NTRK2: variants seen among roughly 807,000 people sequenced by gnomAD.
The protein encoded by NTRK2 is BDNF/NT-3 growth factors receptor.
In NTRK2, 13 loss-of-function variants were observed where a neutral mutation model predicts 94.5. The observed-to-expected ratio is 0.14, with a 90% CI of 0.09 to 0.22. The LOEUF (loss-of-function observed/expected upper bound fraction) is 0.22. Among genes scored for constraint, NTRK2 ranks in the 10% least tolerant of loss-of-function variants. The pLI is 1.00. For missense variants in NTRK2, 639 were observed against 1,071.2 expected, an observed-to-expected ratio of 0.60 and a Z score of 5.63; for synonymous variants, 372 against 407.4, an observed-to-expected ratio of 0.91 and a Z score of 1.05.
chr9:84,717,549 C>T (rs1222247683), intron 6 of NTRK2, among the ~76,000 whole-genome samples: 1 of 152,206 alleles, frequency 6.6e-6, no homozygotes. Context: ...GGGCCAGGGC[C>T]AACCCCACTG....
intron 12 of NTRK2, among the ~76,000 whole-genome samples, chr9:84,788,732 C>G (rs77457416): frequency 6.6e-6 from 1 of 152,046 alleles, no homozygotes; most frequent in East Asian, 1.9e-4. Context: ...TGGGGGAATT[C>G]GAGAGGTGGC....
intron 15 of NTRK2, among the ~76,000 whole-genome samples, 162 bp downstream of exon 15, chr9:84,934,454 A>T (rs2078145448): frequency 6.6e-6 from 1 of 152,194 alleles, no homozygotes; most frequent in South Asian, 2.1e-4. Flanking sequence ...TGGAAAGGAC[A>T]TTTGGGGCAC....
At chr9:84,706,521 G>GTTTTTTTCTT (rs1173199220) in intron 4 of NTRK2, among the ~76,000 whole-genome samples, 1 of 95,336 alleles carries the variant, frequency 1.0e-5, no homozygotes, top group Non-Finnish European at 2.0e-5. Context: ...GTTATTTTTT[G>GTTTTTTTCTT]TTTTTGTTTT....
chr9:84,722,160 CT>C (rs36100177), intron 6 of NTRK2, among the ~76,000 whole-genome samples: 4,122 of 67,004 alleles, frequency 0.062, 13 homozygotes, highest in Non-Finnish European at 0.075. Context: ...CTATTAGGGG[CT>C]TTTTTTTTTT....
At position 84,753,144 on chromosome 9, in the gene NTRK2, A is replaced by G. The variant is rs192906238; in HGVS notation, c.1396+1059A>G. On this transcript the variant is annotated intron_variant, in intron 12 of 18. Coordinates refer to ENST00000277120, the MANE Select transcript of NTRK2 (RefSeq NM_006180.6). The stretch of plus-strand genomic sequence containing the variant: ...TCTAAGCCAGAAATGAACAGGGAGG[A>G]GTGGTGGTAAATTGGGGCTTAAAAT... 7.2e-4 allele frequency among the ~76,000 whole-genome samples: 110 copies of G among 151,954 alleles called. 1 individual carries two copies. The highest frequency in any genetic ancestry group is 1.5e-4 in the Non-Finnish European group (10 of 67,954).
At chr9:84,755,892 TC>T (rs1338636266) in intron 12 of NTRK2, among the ~76,000 whole-genome samples, 3 of 152,152 alleles carry the variant, frequency 2.0e-5, no homozygotes, top group Non-Finnish European at 4.4e-5. Flanking sequence ...CGGCCCTGTT[TC>T]CATAAAGATG....
At chr9:84,812,565 CTA>C (rs1438887130) in intron 12 of NTRK2, 3 of 1,046,114 alleles carry the variant, frequency 2.9e-6, no homozygotes, top group Non-Finnish European at 3.5e-6. Flanking sequence ...AAGAGGCCAG[CTA>C]ATAGCAGAAA....
intron 12 of NTRK2, among the ~76,000 whole-genome samples, chr9:84,848,907 G>A (rs1587662357): frequency 6.6e-6 from 1 of 152,294 alleles, no homozygotes; most frequent in African/African-American, 2.4e-5. Flanking sequence ...GAGATGGCTT[G>A]TCAATATGAG....
intron 17 of NTRK2, among the ~76,000 whole-genome samples, chr9:84,997,484 C>T (rs77337893): frequency 0.029 from 4,378 of 152,250 alleles, 150 homozygotes; most frequent in African/African-American, 0.075. Flanking sequence ...AGGTTACTGA[C>T]ACAGTAACAG....
At chr9:84,993,197 T>C (rs1361576226) in intron 17 of NTRK2, among the ~76,000 whole-genome samples, 1 of 152,120 alleles carries the variant, frequency 6.6e-6, no homozygotes, top group Non-Finnish European at 1.5e-5. Flanking sequence ...CCAGTCTCAC[T>C]CCTCTTCCCA....
chr9:84,808,053 G>A (rs143414942), intron 12 of NTRK2, among the ~76,000 whole-genome samples: 67 of 152,230 alleles, frequency 4.4e-4, no homozygotes, highest in African/African-American at 1.2e-3. Context: ...TTGCATGGGC[G>A]TGTGGAGCTG....
chr9:84,993,657 AG>A (rs1372431788), intron 17 of NTRK2, among the ~76,000 whole-genome samples: 1 of 152,180 alleles, frequency 6.6e-6, no homozygotes, highest in African/African-American at 2.4e-5. Flanking sequence ...TAGGGAAAAA[AG>A]TGAAATCCTT....
At chr9:84,958,035 A>T (rs1461692685) in intron 17 of NTRK2, among the ~76,000 whole-genome samples, 2 of 152,214 alleles carry the variant, frequency 1.3e-5, no homozygotes, top group Non-Finnish European at 2.9e-5. Flanking sequence ...AAATGTCCAG[A>T]ATAGGCAAAT....
chr9:84,764,464 TCTTGATGACTCTTC>T (rs2065856740), intron 12 of NTRK2, among the ~76,000 whole-genome samples: 1 of 152,248 alleles, frequency 6.6e-6, no homozygotes, highest in South Asian at 2.1e-4. Context: ...TATAGTTCTG[TCTTGATGACTCTTC>T]CTTGAGGCAA....
Position 84,745,073 on chromosome 9 carries a change from G to A in NTRK2, c.1296G>A (p.Ser432=), listed in dbSNP as rs778382743. 8.7e-6 allele frequency: 14 copies of A among 1,609,778 alleles called. 1 individual carries two copies. In the South Asian group the frequency reaches 1.3e-4, roughly 15 times the overall value. Reference sequence around the variant, plus strand: ...ATAAAACCGGTCGGGAACATCTCTCGGTGAGTGGAATAAATAGGTGTCTGA... The same window carrying A: ...ATAAAACCGGTCGGGAACATCTCTCAGTGAGTGGAATAAATAGGTGTCTGA... ...VTDKTGREHL[S]VYAVVVIASV... Residue 432 remains serine, a splice_region_variant and synonymous_variant, in exon 11 of 19, where the codon TCG becomes TCA. Coordinates refer to ENST00000277120, the MANE Select transcript of NTRK2 (RefSeq NM_006180.6).
upstream of NTRK2, chr9:84,669,451 CACAG>C (rs2058558198): frequency 6.6e-6 from 1 of 151,848 alleles, no homozygotes; most frequent in South Asian, 2.1e-4. This position sits in a 1 kb window ranked among gnomAD's most constrained non-coding sequence, Gnocchi z 4.1. Flanking sequence ...CACACACACA[CACAG>C]ACACACACAC....
rs758543269 is a variant in NTRK2 at position 84,867,319 on chromosome 9, A to G, written c.1521A>G (p.Pro507=). The G allele has an allele frequency of 3.1e-6, 5 of 1,613,986 alleles. No individual in the cohort carries two copies. Among genetic ancestry groups the G allele is most frequent in the African/African-American group, 1.3e-5 (1 of 74,926 alleles). Reference sequence around the variant, plus strand: ...ACATCTCCAATGGGAGTAACACTCCATCTTCTTCGGAAGGTGGCCCAGATG... The same window carrying G: ...ACATCTCCAATGGGAGTAACACTCCGTCTTCTTCGGAAGGTGGCCCAGATG... ...LHHISNGSNT[P]SSSEGGPDAV... The change falls in exon 14 of 19, where the codon CCA becomes CCG. Residue 507 remains proline (P), a synonymous_variant. Coordinates refer to ENST00000277120, the MANE Select transcript of NTRK2 (RefSeq NM_006180.6).
intron 14 of NTRK2, among the ~76,000 whole-genome samples, chr9:84,879,540 A>T (rs966610233): frequency 6.6e-6 from 1 of 150,416 alleles, no homozygotes; most frequent in African/African-American, 2.4e-5. Flanking sequence ...TTTTCACATT[A>T]AAAAAATCTT....
chr9:85,014,914 G>A (rs1391159852), intron 17 of NTRK2, among the ~76,000 whole-genome samples: 1 of 152,112 alleles, frequency 6.6e-6, no homozygotes, highest in African/African-American at 2.4e-5. Context: ...TTCTTTTCTT[G>A]ATATATTTTA....
Sources: gnomAD v4.1 joint callset for allele counts (sites outside exome capture counted in the v4.1 genomes callset) on GRCh38, gnomAD v4.1.1 for gene constraint, Gnocchi (gnomAD v3.1) non-coding constraint, MANE v1.5 for transcripts, NCBI Gene and HGNC (gene_info 2026-07-23, HGNC 2026-07-21) for gene names.